Variants in FMN2 observed in about 807,000 individuals in gnomAD.
FMN2 encodes formin-2.
FMN2 carries 51 observed loss-of-function variants against 142.3 expected under a neutral mutation model. The ratio of observed to expected loss-of-function variants is 0.36; its 90% CI spans 0.29 to 0.45. The LOEUF is 0.45. FMN2 is among the 20% of genes least tolerant of loss of function. The pLI, the probability that FMN2 is intolerant of heterozygous loss-of-function variation, is 1.00. For synonymous variants in FMN2, 882 were observed against 869.8 expected (o/e 1.01, Z -0.25); for missense variants, 1,936 against 2,122.8 (o/e 0.91, Z 1.73).
intron 7 of FMN2, among the ~76,000 whole-genome samples, chr1:240,289,945 AT>A (rs1669719485): frequency 6.6e-6 from 1 of 152,122 alleles, no homozygotes; most frequent in Non-Finnish European, 1.5e-5. Context: ...GTAATTCAAC[AT>A]TTGTAGTAAG....
rs1300733687 is a variant in FMN2, at chr1:240,177,349, C to A, written c.1783-572C>A. Among the ~76,000 whole-genome samples the A allele has an allele frequency of 5.3e-5, 8 of 149,544 alleles. No homozygotes were observed. The East Asian group carries it at 5.9e-4, about 11-fold the overall frequency. ...GCGAGGTCTTTCTTGGCCAGAAGATCCCTATTCAATTCTTTTTTTTTTTTT... is the reference window on the plus strand; with the variant it reads ...GCGAGGTCTTTCTTGGCCAGAAGATACCTATTCAATTCTTTTTTTTTTTTT... On this transcript the variant is annotated intron_variant, in intron 2 of 17. Transcript: ENST00000319653.
chr1:240,119,699 T>C (rs1662160551), intron 1 of FMN2, among the ~76,000 whole-genome samples: 1 of 152,178 alleles, frequency 6.6e-6, no homozygotes, highest in Non-Finnish European at 1.5e-5. Flanking sequence ...GCATATGCTT[T>C]CATGGAAGTA....
chr1:240,465,384 G>GTGTGTGTGTGTC (rs1241874596), intron 16 of FMN2, among the ~76,000 whole-genome samples: 24 of 129,022 alleles, frequency 1.9e-4, no homozygotes, highest in African/African-American at 6.1e-4. Context: ...GTGTGTGTGT[G>GTGTGTGTGTGTC]TGTCTGTCTT....
At position 240,093,096 on chromosome 1, in the gene FMN2, G is replaced by T. The variant is rs752855450; in HGVS notation, c.987G>T (p.Gly329=). 9 of 1,397,560 alleles carry T rather than the reference G, an allele frequency of 6.4e-6. No homozygotes were observed. The highest frequency in any genetic ancestry group is 2.8e-6 in the Non-Finnish European group (3 of 1,085,312). 86.6% of individuals were successfully genotyped at this position (1,397,560 alleles called of 1,614,324 possible). A position where few individuals can be genotyped will look rare whatever the true frequency, so the allele number is the denominator to read the frequency against. Residue 329 remains glycine, a synonymous_variant, in exon 1 of 18, where the codon GGG becomes GGT. Coordinates refer to ENST00000319653, the MANE Select transcript of FMN2 (RefSeq NM_020066.5). ...CGGCTTTCCCATTTCCCGAGGCCGG[G>T]CCGGGGGAGGAAGCGGCCGGAGCCC... ...SSTAFPFPEA[G]PGEEAAGAPV... is the part of the protein sequence containing the mutation.
At chr1:240,357,094 CCAT>C (rs1672297480) in intron 14 of FMN2, among the ~76,000 whole-genome samples, 1 of 151,916 alleles carries the variant, frequency 6.6e-6, no homozygotes, top group South Asian at 2.1e-4. Context: ...CATGCTTTTT[CCAT>C]CTAGTGGGGT....
intron 14 of FMN2, among the ~76,000 whole-genome samples, chr1:240,369,849 T>C (rs1328162922): frequency 6.6e-6 from 1 of 152,164 alleles, no homozygotes; most frequent in Non-Finnish European, 1.5e-5. Context: ...TTAAAATAAA[T>C]CCTTGCCTTG....
In FMN2 at chr1:240,235,362, C is replaced by T. The variant is rs189654174; in HGVS notation, c.4066-22583C>T. On this transcript the variant is annotated intron_variant, in intron 6 of 17. Coordinates refer to ENST00000319653, the MANE Select transcript of FMN2 (RefSeq NM_020066.5). ...ATATTCATTTGCTTTTCATTTTAAA[C>T]GCTCCTTTTATTTGGATCAGATTTT... 1.9e-4 allele frequency among the ~76,000 whole-genome samples: 29 copies of T among 151,990 alleles called. No individual in the cohort carries two copies. The East Asian group carries it at 3.5e-3, about 18-fold the overall frequency.
At chr1:240,323,249 C>T (rs1309805241) in intron 8 of FMN2, among the ~76,000 whole-genome samples, 1 of 151,756 alleles carries the variant, frequency 6.6e-6, no homozygotes, top group Non-Finnish European at 1.5e-5. Context: ...GGCTGGAGTG[C>T]AGTGGCCCAA....
At position 240,124,211 on chromosome 1, in the gene FMN2, T is replaced by C. The variant is rs907395731; in HGVS notation, c.1782+866T>C. Among the ~76,000 whole-genome samples the C allele has an allele frequency of 1.4e-4, 21 of 152,306 alleles. 2 individuals carry two copies. The Middle Eastern group carries it at 0.014, about 99-fold the overall frequency. On this transcript the variant is annotated intron_variant, in intron 2 of 17. Transcript: ENST00000319653. ...CCTGTAATCAGCGATGATTCTAAAG[T>C]GGCTGTAAGTCCATATGTATGACTT...
chr1:240,404,603 G>A (rs16839923), intron 15 of FMN2, among the ~76,000 whole-genome samples: 11,607 of 152,276 alleles, frequency 0.076, 877 homozygotes, highest in East Asian at 0.41. Context: ...GCCCAGCAGA[G>A]CAAGGCTTCC....
intron 16 of FMN2, among the ~76,000 whole-genome samples, chr1:240,450,078 T>C (rs189549625): frequency 4.1e-4 from 62 of 152,236 alleles, no homozygotes; most frequent in Admixed American, 9.2e-4. Context: ...CATATACTTA[T>C]TATAATGTCA....
intron 1 of FMN2, 117 bp downstream of exon 1, chr1:240,093,841 T>G: frequency 9.4e-5 from 59 of 629,470 alleles, no homozygotes; most frequent in Non-Finnish European, 1.3e-4. Context: ...GGCACATCTC[T>G]TCTCCGTAGG....
chr1:240,170,359 A>T, intron 2 of FMN2: 1 of 1,174,284 alleles, frequency 8.5e-7, no homozygotes. Flanking sequence ...TTTTCCAGTG[A>T]TCTTGGGACA....
chr1:240,415,959 A>G (rs9662100), intron 15 of FMN2, among the ~76,000 whole-genome samples: 122,412 of 151,992 alleles, frequency 0.81, 49,564 homozygotes, highest in Middle Eastern at 0.87. Context: ...TTCAGCTTCT[A>G]TTCTCCCTCT....
chr1:240,187,672 C>T lies in FMN2; in HGVS notation c.1931-535C>T, dbSNP rs184352419. Reference sequence around the variant, plus strand: ...AGGTCTTTTTAGAATGATGAATTTGCAGTCTCATAGAATCTCAGATGACAT... The same window carrying T: ...AGGTCTTTTTAGAATGATGAATTTGTAGTCTCATAGAATCTCAGATGACAT... On this transcript the variant is annotated intron_variant, in intron 3 of 17. Transcript: ENST00000319653. 1.5e-3 allele frequency among the ~76,000 whole-genome samples: 227 copies of T among 152,288 alleles called. 2 individuals are homozygous for T. The highest frequency in any genetic ancestry group is 5.2e-3 in the African/African-American group (216 of 41,562).
At chr1:240,321,127 G>A (rs1257676258) in intron 8 of FMN2, among the ~76,000 whole-genome samples, 1 of 151,524 alleles carries the variant, frequency 6.6e-6, no homozygotes, top group African/African-American at 2.4e-5. Context: ...ATACTTGTGT[G>A]ATTATTTAAA....
At chr1:240,165,270 G>A (rs1050079573) in intron 2 of FMN2, among the ~76,000 whole-genome samples, 2 of 152,046 alleles carry the variant, frequency 1.3e-5, no homozygotes, top group South Asian at 2.1e-4. Context: ...CAACCTCCTG[G>A]GCTCAAGTGA....
At chr1:240,107,421 C>A (rs559291952) in intron 1 of FMN2, among the ~76,000 whole-genome samples, 1 of 152,180 alleles carries the variant, frequency 6.6e-6, no homozygotes, top group Non-Finnish European at 1.5e-5. Context: ...ACTCTTCAAC[C>A]AAGTGATTTT....
At chr1:240,438,330 GC>G (rs1675475450) in intron 16 of FMN2, 120 bp downstream of exon 16, 1 of 1,105,326 alleles carries the variant, frequency 9.0e-7, no homozygotes, top group Admixed American at 2.4e-5. Context: ...ACCCGGGGTA[GC>G]AAGTTGAAGA....
Sources: allele counts gnomAD v4.1 joint callset (sites outside exome capture counted in the v4.1 genomes callset), GRCh38; gene constraint gnomAD v4.1.1; transcripts MANE v1.5; gene names NCBI Gene and HGNC (gene_info 2026-07-23, HGNC 2026-07-21).